The following NFAT5 variants were observed in gnomAD, a reference collection of about 807,000 sequenced individuals.
The protein encoded by NFAT5 is nuclear factor of activated T cells 5.
In NFAT5, 31 loss-of-function variants were observed where a neutral mutation model predicts 166.5. The observed-to-expected ratio is 0.19, with a 90% CI of 0.14 to 0.25. The LOEUF (loss-of-function observed/expected upper bound fraction) is 0.25. NFAT5 is among the 10% of genes least tolerant of loss of function. NFAT5 has a pLI of 1.00. For missense variants in NFAT5, 1,449 were observed against 1,821.8 expected, an observed-to-expected ratio of 0.80 and a Z score of 3.72; for synonymous variants, 612 against 639.7, an observed-to-expected ratio of 0.96 and a Z score of 0.65.
intron 2 of NFAT5, among the ~76,000 whole-genome samples, chr16:69,571,767 T>C (rs549262852): frequency 9.9e-5 from 15 of 151,886 alleles, no homozygotes; most frequent in Non-Finnish European, 1.9e-4. Context: ...TTTATTATTA[T>C]TATTTTTTTG....
At chr16:69,581,518 A>G (rs947109623) in intron 2 of NFAT5, among the ~76,000 whole-genome samples, 1 of 152,198 alleles carries the variant, frequency 6.6e-6, no homozygotes, top group African/African-American at 2.4e-5. Flanking sequence ...AGAAACTGCC[A>G]AACTGCTTTC....
chr16:69,652,444 T>G (rs946180563), intron 4 of NFAT5, among the ~76,000 whole-genome samples: 1 of 125,490 alleles, frequency 8.0e-6, no homozygotes, highest in Admixed American at 8.7e-5. Flanking sequence ...AGAGTAAAAC[T>G]CCATCTCAGA....
At chr16:69,635,086 C>G (rs2034903591) in intron 3 of NFAT5, among the ~76,000 whole-genome samples, 1 of 139,064 alleles carries the variant, frequency 7.2e-6, no homozygotes, top group South Asian at 2.3e-4. Flanking sequence ...TCTCAGCTCA[C>G]TGAAACCTCC....
Position 69,599,019 on chromosome 16 carries a change from T to G in NFAT5, c.128-27384T>G, listed in dbSNP as rs558666825. ...CTGGGCGACAGAGTGAGACTCTGTC[T>G]CAAAAAAAAAAAAAAAAAAAAGTCA... On this transcript the variant is annotated intron_variant, in intron 2 of 14. Coordinates refer to ENST00000349945, the MANE Select transcript of NFAT5 (RefSeq NM_138713.4). 6.9e-5 allele frequency among the ~76,000 whole-genome samples: 7 copies of G among 101,452 alleles called. No individual in the cohort carries two copies. In the East Asian group the frequency reaches 1.7e-3, roughly 25 times the overall value. 66.6% of individuals were successfully genotyped at this position (101,452 alleles called of 152,430 possible). A position where few individuals can be genotyped will look rare whatever the true frequency, so the allele number is the denominator to read the frequency against.
At position 69,617,222 on chromosome 16, in the gene NFAT5, G is replaced by A. The variant is rs1226377380; in HGVS notation, c.128-9181G>A. Among the ~76,000 whole-genome samples the A allele has an allele frequency of 4.6e-5, 7 of 152,126 alleles. No homozygotes were observed. In the East Asian group the frequency reaches 9.7e-4, roughly 21 times the overall value. On this transcript the variant is annotated intron_variant, in intron 2 of 14. Transcript: ENST00000349945. ...CTCCCAAAGTGCTGGGATTACAGGC[G>A]TGAGCCACCGTGCCCAGCCTCAAAG...
chr16:69,667,408 A>G (rs915820174), intron 7 of NFAT5, among the ~76,000 whole-genome samples: 2 of 152,016 alleles, frequency 1.3e-5, no homozygotes, highest in Admixed American at 1.3e-4. Flanking sequence ...TCTTTTGCAT[A>G]ATTGTATAAT....
intron 4 of NFAT5, among the ~76,000 whole-genome samples, chr16:69,652,749 T>A (rs913723124): frequency 1.2e-5 from 1 of 83,158 alleles, no homozygotes; most frequent in Non-Finnish European, 2.3e-5. Flanking sequence ...TTTGGGGGTT[T>A]GTTTTTTGTT....
At chr16:69,657,976 T>G (rs978541435) in intron 6 of NFAT5, among the ~76,000 whole-genome samples, 1 of 143,318 alleles carries the variant, frequency 7.0e-6, no homozygotes, top group Non-Finnish European at 1.5e-5. Context: ...TCCCAGCTAC[T>G]CCAGAGGCTG....
chr16:69,639,086 C>T (rs1316793056), intron 3 of NFAT5, among the ~76,000 whole-genome samples: 1 of 152,142 alleles, frequency 6.6e-6, no homozygotes, highest in Non-Finnish European at 1.5e-5. Context: ...TTAGTCTCTT[C>T]ATTCAGTATT....
chr16:69,695,521 T>C, intron 14 of NFAT5, 142 bp downstream of exon 14: 1 of 650,006 alleles, frequency 1.5e-6, no homozygotes, highest in Non-Finnish European at 2.7e-6. Context: ...AATAAAATTA[T>C]TCTGAATGAT....
intron 6 of NFAT5, 30 bp from the exon 7 acceptor site, chr16:69,659,697 G>A: frequency 1.3e-6 from 2 of 1,499,158 alleles, no homozygotes; most frequent in Non-Finnish European, 1.8e-6. Context: ...ACAACAAAAT[G>A]TCCCTTTATA....
At chr16:69,572,489 G>A (rs1454865486) in intron 2 of NFAT5, among the ~76,000 whole-genome samples, 5 of 151,846 alleles carry the variant, frequency 3.3e-5, no homozygotes, top group African/African-American at 9.7e-5. Flanking sequence ...GTTCAAATTC[G>A]AAGGCTAGGA....
At position 69,655,636 on chromosome 16, in the gene NFAT5, T is replaced by C; in HGVS notation, c.1033T>C (p.Leu345=). 1 of 1,611,782 alleles carries C rather than the reference T, an allele frequency of 6.2e-7. No individual in the cohort carries two copies. The highest frequency in any genetic ancestry group is 2.2e-5 in the East Asian group (1 of 44,812). ...GGAAGGCCATAATGAACCTGTAGTGTTGCAAGTGTTTGTGGGCAACGACTC... is the reference window on the plus strand; with the variant it reads ...GGAAGGCCATAATGAACCTGTAGTGCTGCAAGTGTTTGTGGGCAACGACTC... ...KLEGHNEPVV[L]QVFVGNDSGR... Residue 345 remains leucine, a synonymous_variant, in exon 6 of 15, where the codon TTG becomes CTG. Coordinates refer to ENST00000349945, the MANE Select transcript of NFAT5 (RefSeq NM_138713.4).
At chr16:69,660,512 A>G (rs2151646990) in intron 7 of NFAT5, among the ~76,000 whole-genome samples, 1 of 152,360 alleles carries the variant, frequency 6.6e-6, no homozygotes, top group Admixed American at 6.5e-5. Flanking sequence ...CTGTGTGGTA[A>G]ATTACTGTGG....
intron 3 of NFAT5, among the ~76,000 whole-genome samples, chr16:69,643,365 T>C (rs2035299275): frequency 6.6e-6 from 1 of 152,162 alleles, no homozygotes; most frequent in Admixed American, 6.5e-5. Context: ...TGGGAATGCT[T>C]GGAAATGACT....
chr16:69,568,383 TATATATATATAC>T (rs1317261985), intron 1 of NFAT5, 100 bp from the exon 2 acceptor site: 8 of 303,966 alleles, frequency 2.6e-5, no homozygotes, highest in East Asian at 1.4e-4. Flanking sequence ...TGTGTATATA[TATATATATATAC>T]ACACACACAC....
chr16:69,575,692 C>T (rs1044638092), intron 2 of NFAT5, among the ~76,000 whole-genome samples: 2 of 151,952 alleles, frequency 1.3e-5, no homozygotes, highest in African/African-American at 2.4e-5. Flanking sequence ...AAAAACTGTA[C>T]CTGAGGCAAT....
chr16:69,674,241 CAAAAA>C (rs59975972), intron 9 of NFAT5, among the ~76,000 whole-genome samples: 1 of 71,358 alleles, frequency 1.4e-5, no homozygotes, highest in African/African-American at 5.5e-5. Flanking sequence ...GAAACTGTCT[CAAAAA>C]AAAAAAAAAA....
In NFAT5 at chr16:69,702,004, C is replaced by T. The variant is rs147643215; in HGVS notation, c.*5653C>T. On this transcript the variant is annotated 3_prime_UTR_variant, in exon 15 of 15. Coordinates refer to ENST00000349945, the MANE Select transcript of NFAT5 (RefSeq NM_138713.4). ...TTTTGCCTCTATTCCAGCTCCTTAC[C>T]ACAGCGGTGGTGCTTAAAGAAAGGA... 6.5e-6 allele frequency: 1 copy of T among 152,680 alleles called. No homozygotes were observed. Among genetic ancestry groups the T allele is most frequent in the East Asian group, 1.9e-4 (1 of 5,186 alleles). 9.5% of individuals were successfully genotyped at this position (152,680 alleles called of 1,614,324 possible).
Sources: gnomAD v4.1 joint callset for allele counts (sites outside exome capture counted in the v4.1 genomes callset) on GRCh38, gnomAD v4.1.1 for gene constraint, MANE v1.5 for transcripts, NCBI Gene and HGNC (gene_info 2026-07-23, HGNC 2026-07-21) for gene names.